STAU2: variants seen among roughly 807,000 people sequenced by gnomAD.
STAU2 encodes the protein staufen double-stranded RNA binding protein 2.
STAU2 carries 20 observed loss-of-function variants against 65.9 expected under a neutral mutation model. The observed-to-expected ratio is 0.30, with a 90% CI of 0.21 to 0.44. The LOEUF (loss-of-function observed/expected upper bound fraction) is 0.44. Ranked by LOEUF, STAU2 falls within the 20% of genes least tolerant of loss-of-function variation. The probability of loss-of-function intolerance (pLI) is 1.00; values close to 1 mark genes in which losing one functional copy is unlikely to be tolerated. For missense variants in STAU2, 558 were observed against 683.9 expected (o/e 0.82, Z 2.05); for synonymous variants, 232 against 233.9 (o/e 0.99, Z 0.07).
At chr8:73,519,420 C>T (rs1822923136) in intron 13 of STAU2, among the ~76,000 whole-genome samples, 1 of 152,136 alleles carries the variant, frequency 6.6e-6, no homozygotes, top group Non-Finnish European at 1.5e-5. Flanking sequence ...AAGGAGGCTG[C>T]CCCTGGTACT....
chr8:73,564,192 G>C (rs977962052), intron 12 of STAU2, among the ~76,000 whole-genome samples: 1 of 152,232 alleles, frequency 6.6e-6, no homozygotes, highest in Non-Finnish European at 1.5e-5. Flanking sequence ...TTTTTGTCTT[G>C]CTTCACTTGG....
intron 12 of STAU2, among the ~76,000 whole-genome samples, chr8:73,572,299 C>G (rs1352543823): frequency 6.6e-6 from 1 of 152,196 alleles, no homozygotes; most frequent in Non-Finnish European, 1.5e-5. Context: ...GATGGATTCA[C>G]AGCTGAATTC....
chr8:73,577,946 C>T (rs1331436421), intron 12 of STAU2, among the ~76,000 whole-genome samples: 1 of 151,980 alleles, frequency 6.6e-6, no homozygotes, highest in African/African-American at 2.4e-5. Context: ...CAATTTGTTG[C>T]TATGCTGCAA....
intron 13 of STAU2, among the ~76,000 whole-genome samples, chr8:73,518,286 A>G (rs1185558778): frequency 6.6e-6 from 1 of 152,250 alleles, no homozygotes; most frequent in African/African-American, 2.4e-5. Flanking sequence ...TCCAAAAGAG[A>G]ATGGACTCTG....
intron 11 of STAU2, 76 bp downstream of exon 11, chr8:73,595,090 T>G (rs142885028): frequency 4.0e-6 from 5 of 1,259,818 alleles, no homozygotes; most frequent in Non-Finnish European, 5.3e-6. Context: ...TACTTTAATA[T>G]CAGTTAAGAT....
At chr8:73,472,179 G>A (rs2128906423) in intron 13 of STAU2, among the ~76,000 whole-genome samples, 1 of 152,288 alleles carries the variant, frequency 6.6e-6, no homozygotes, top group Admixed American at 6.5e-5. Context: ...AAAAACTGAT[G>A]TGCTAAGAAG....
intron 12 of STAU2, chr8:73,561,350 CTG>C (rs2128949414): frequency 3.2e-6 from 1 of 314,696 alleles, no homozygotes; most frequent in Admixed American, 4.5e-5. Flanking sequence ...AAAGACACAA[CTG>C]TGACTATTTC....
chr8:73,633,375 TAA>T (rs1814244556), intron 6 of STAU2, among the ~76,000 whole-genome samples: 1 of 152,026 alleles, frequency 6.6e-6, no homozygotes, highest in South Asian at 2.1e-4. Context: ...CCTCTCAACT[TAA>T]AAGTGAATGA....
intron 6 of STAU2, among the ~76,000 whole-genome samples, chr8:73,628,574 A>T (rs1197159930): frequency 6.6e-6 from 1 of 152,182 alleles, no homozygotes; most frequent in African/African-American, 2.4e-5. Context: ...ACTAGTGTAG[A>T]AAATCTCTCA....
chr8:73,464,423 C>A (rs1819538764), intron 13 of STAU2, among the ~76,000 whole-genome samples: 1 of 152,182 alleles, frequency 6.6e-6, no homozygotes, highest in African/African-American at 2.4e-5. Context: ...TGTTACACTT[C>A]TATGAAGAGA....
At chr8:73,664,534 C>T (rs1460314939) in intron 6 of STAU2, among the ~76,000 whole-genome samples, 1 of 152,162 alleles carries the variant, frequency 6.6e-6, no homozygotes, top group Non-Finnish European at 1.5e-5. Flanking sequence ...GTTTTTTCTG[C>T]ACCTAATGAG....
At chr8:73,491,429 T>C (rs1260993619) in intron 13 of STAU2, among the ~76,000 whole-genome samples, 1 of 151,918 alleles carries the variant, frequency 6.6e-6, no homozygotes, top group Non-Finnish European at 1.5e-5. Context: ...ACAGGTGACT[T>C]AAATAGGCAC....
At chr8:73,676,311 A>T (rs1818024642) in intron 5 of STAU2, among the ~76,000 whole-genome samples, 1 of 152,220 alleles carries the variant, frequency 6.6e-6, no homozygotes, top group Admixed American at 6.5e-5. Context: ...AGGGGAATGG[A>T]CTATCTTTTC....
intron 3 of STAU2, among the ~76,000 whole-genome samples, chr8:73,726,007 G>GGT (rs1042446747): frequency 7.4e-5 from 10 of 135,322 alleles, no homozygotes; most frequent in Non-Finnish European, 1.3e-4. Flanking sequence ...TGCGTGGTTA[G>GGT]GTTTTTTTTT....
At chr8:73,432,752 G>A (rs148366091) in intron 13 of STAU2, among the ~76,000 whole-genome samples, 2 of 152,164 alleles carry the variant, frequency 1.3e-5, no homozygotes, top group East Asian at 1.9e-4. Flanking sequence ...ATGCTTCCAC[G>A]ATCCTATCAG....
chr8:73,614,900 C>G (rs891387443), intron 8 of STAU2, among the ~76,000 whole-genome samples: 1 of 152,030 alleles, frequency 6.6e-6, no homozygotes, highest in African/African-American at 2.4e-5. Flanking sequence ...AGCTGTGGAC[C>G]GAGAACTGAG....
chr8:73,494,134 G>A (rs1821281258), intron 13 of STAU2, among the ~76,000 whole-genome samples: 1 of 151,724 alleles, frequency 6.6e-6, no homozygotes, highest in African/African-American at 2.4e-5. Flanking sequence ...AACTTGTCAA[G>A]TGGTACACTT....
At chr8:73,708,085 T>A (rs1486973476) in intron 4 of STAU2, among the ~76,000 whole-genome samples, 1 of 131,066 alleles carries the variant, frequency 7.6e-6, no homozygotes, top group East Asian at 2.3e-4. Flanking sequence ...GCTACAACTA[T>A]TTTTTCTGTT....
At chr8:73,482,816 T>C (rs964406584) in intron 13 of STAU2, among the ~76,000 whole-genome samples, 1 of 152,098 alleles carries the variant, frequency 6.6e-6, no homozygotes, top group Non-Finnish European at 1.5e-5. Flanking sequence ...CACAACTTCA[T>C]TTGCAGGATC....
Sources: gnomAD v4.1 joint callset for allele counts (sites outside exome capture counted in the v4.1 genomes callset) on GRCh38, gnomAD v4.1.1 for gene constraint, MANE v1.5 for transcripts, NCBI Gene and HGNC (gene_info 2026-07-23, HGNC 2026-07-21) for gene names.